Variants in CNTNAP2 observed in about 807,000 individuals in gnomAD.
CNTNAP2 encodes contactin-associated protein-like 2.
A neutral mutation model predicts 155.2 loss-of-function variants in CNTNAP2; 98 were observed. The ratio of observed to expected loss-of-function variants is 0.63; its 90% confidence interval spans 0.54 to 0.75. The LOEUF is 0.75. Ranked by LOEUF, CNTNAP2 falls within the 30% of genes least tolerant of loss-of-function variation. The probability of loss-of-function intolerance (pLI) is 0.00; values close to 1 mark genes in which losing one functional copy is unlikely to be tolerated. For synonymous variants in CNTNAP2, 651 were observed against 631.2 expected (o/e 1.03, Z -0.47); for missense variants, 1,727 against 1,688.1 (o/e 1.02, Z -0.40).
At chr7:146,929,534 C>G (rs571868230) in intron 3 of CNTNAP2, among the ~76,000 whole-genome samples, 2 of 152,204 alleles carry the variant, frequency 1.3e-5, no homozygotes, top group Non-Finnish European at 2.9e-5. Flanking sequence ...CAGAGCGCCT[C>G]TCCTCCTCCA....
At chr7:147,294,543 C>CTGTAG (rs1805386998) in intron 8 of CNTNAP2, among the ~76,000 whole-genome samples, 1 of 152,148 alleles carries the variant, frequency 6.6e-6, no homozygotes, top group South Asian at 2.1e-4. Flanking sequence ...TTTAGTTGTC[C>CTGTAG]TGTAGGTGAA....
At chr7:146,174,178 G>A (rs966021891) in intron 1 of CNTNAP2, among the ~76,000 whole-genome samples, 2 of 151,436 alleles carry the variant, frequency 1.3e-5, no homozygotes, top group Admixed American at 1.3e-4. Context: ...CTGTAGCCTG[G>A]GTGACAGACT....
intron 2 of CNTNAP2, among the ~76,000 whole-genome samples, chr7:146,830,847 T>C (rs6942840): frequency 0.12 from 18,703 of 152,158 alleles, 3,770 homozygotes; most frequent in African/African-American, 0.42. Flanking sequence ...AAAATGACAG[T>C]ATACAGGATG....
intron 13 of CNTNAP2, among the ~76,000 whole-genome samples, chr7:147,724,857 G>T (rs919963653): frequency 6.6e-6 from 1 of 151,900 alleles, no homozygotes; most frequent in Non-Finnish European, 1.5e-5. Context: ...ACTGTGAGTT[G>T]TTGAAAAGGT....
chr7:148,051,027 G>A (rs943718455), intron 15 of CNTNAP2, among the ~76,000 whole-genome samples: 4 of 152,120 alleles, frequency 2.6e-5, no homozygotes, highest in Non-Finnish European at 4.4e-5. Context: ...CATCTCCATC[G>A]TTCAGGCTCA....
Position 147,053,743 on chromosome 7 carries a change from A to T in CNTNAP2, c.550+9689A>T, listed in dbSNP as rs539797295. On this transcript the variant is annotated intron_variant, in intron 4 of 23. Coordinates refer to ENST00000361727, the MANE Select transcript of CNTNAP2 (RefSeq NM_014141.6). ...ATTAGTCCAAAATTTTTCATAAAAT[A>T]ATTTCCCAAGAAATGTAAACATATT... Among the ~76,000 whole-genome samples, 6 of 152,294 alleles carry T rather than the reference A, an allele frequency of 3.9e-5. No individual in the cohort carries two copies. The East Asian group carries it at 9.6e-4, about 24-fold the overall frequency.
intron 1 of CNTNAP2, among the ~76,000 whole-genome samples, chr7:146,339,822 T>C (rs1801343820): frequency 6.6e-6 from 1 of 152,042 alleles, no homozygotes; most frequent in African/African-American, 2.4e-5. Context: ...GTCAGTCTAA[T>C]TAAAAAAAAC....
At chr7:147,416,571 C>A (rs1043647655) in intron 10 of CNTNAP2, among the ~76,000 whole-genome samples, 7 of 152,132 alleles carry the variant, frequency 4.6e-5, no homozygotes, top group Non-Finnish European at 8.8e-5. Flanking sequence ...GTTTTCATAT[C>A]TTATTTCAAA....
intron 1 of CNTNAP2, among the ~76,000 whole-genome samples, chr7:146,256,611 A>T (rs926576108): frequency 1.1e-4 from 16 of 152,010 alleles, no homozygotes; most frequent in Admixed American, 9.2e-4. Flanking sequence ...ACTATATGTT[A>T]GTATCAATAA....
intron 13 of CNTNAP2, among the ~76,000 whole-genome samples, chr7:147,708,089 C>T (rs1796344982): frequency 6.6e-6 from 1 of 152,020 alleles, no homozygotes; most frequent in South Asian, 2.1e-4. Flanking sequence ...CCACATGTCC[C>T]CAAAGAAATG....
At chr7:146,292,936 A>G (rs1800454677) in intron 1 of CNTNAP2, among the ~76,000 whole-genome samples, 1 of 152,138 alleles carries the variant, frequency 6.6e-6, no homozygotes, top group African/African-American at 2.4e-5. Flanking sequence ...AGAGAAATAC[A>G]TTATTCTTTG....
intron 22 of CNTNAP2, among the ~76,000 whole-genome samples, chr7:148,395,660 T>C (rs1799451079): frequency 6.6e-6 from 1 of 152,072 alleles, no homozygotes; most frequent in Admixed American, 6.6e-5. Context: ...GGCAGCAGGG[T>C]TGGATTCCCC....
intron 13 of CNTNAP2, among the ~76,000 whole-genome samples, chr7:147,828,930 T>C (rs561490055): frequency 6.6e-6 from 1 of 152,336 alleles, no homozygotes; most frequent in East Asian, 1.9e-4. Context: ...TTCTTGGGTA[T>C]GAAGAGTCTG....
intron 1 of CNTNAP2, among the ~76,000 whole-genome samples, chr7:146,238,602 TA>T (rs1320644586): frequency 1.3e-5 from 2 of 152,042 alleles, no homozygotes; most frequent in Non-Finnish European, 2.9e-5. Context: ...AAAAAAAAAG[TA>T]TGGTCATAAC....
chr7:146,483,751 A>G (rs1028456252), intron 1 of CNTNAP2, among the ~76,000 whole-genome samples: 5 of 152,170 alleles, frequency 3.3e-5, no homozygotes, highest in African/African-American at 1.2e-4. Flanking sequence ...ATTTTTGTAC[A>G]GCTGTACAAC....
At chr7:148,380,410 T>C (rs1444410435) in intron 21 of CNTNAP2, among the ~76,000 whole-genome samples, 1 of 152,202 alleles carries the variant, frequency 6.6e-6, no homozygotes, top group Admixed American at 6.5e-5. Flanking sequence ...CTAATGAAGA[T>C]TTGACATCAG....
At chr7:147,973,465 A>G (rs1253601239) in intron 14 of CNTNAP2, among the ~76,000 whole-genome samples, 1 of 152,190 alleles carries the variant, frequency 6.6e-6, no homozygotes, top group Non-Finnish European at 1.5e-5. Flanking sequence ...ACTACTAGCT[A>G]TACGGCAACC....
At chr7:146,633,772 G>A (rs1168365925) in intron 1 of CNTNAP2, among the ~76,000 whole-genome samples, 2 of 139,964 alleles carry the variant, frequency 1.4e-5, no homozygotes, top group African/African-American at 5.5e-5. Flanking sequence ...GGAGTCTGCA[G>A]TGAGCTTAGA....
chr7:147,887,581 C>T (rs1490212405), intron 13 of CNTNAP2, among the ~76,000 whole-genome samples: 1 of 152,022 alleles, frequency 6.6e-6, no homozygotes, highest in African/African-American at 2.4e-5. Context: ...AATCATGAAC[C>T]AAGGTTATAA....
Sources: allele counts gnomAD v4.1 joint callset (sites outside exome capture counted in the v4.1 genomes callset), GRCh38; gene constraint gnomAD v4.1.1; transcripts MANE v1.5; gene names NCBI Gene and HGNC (gene_info 2026-07-23, HGNC 2026-07-21).